The following CHTF8 variants were observed in gnomAD, a reference collection of about 807,000 sequenced individuals.
The protein encoded by CHTF8 is chromosome transmission fidelity protein 8 homolog.
A neutral mutation model predicts 11.0 loss-of-function variants in CHTF8; 6 were observed. That is an observed-to-expected ratio of 0.55 (90% CI 0.30 to 1.08). CHTF8 has a LOEUF of 1.08. Ranked by LOEUF, CHTF8 falls within the 50% of genes least tolerant of loss-of-function variation. The pLI, the probability that CHTF8 is intolerant of heterozygous loss-of-function variation, is 0.07. For synonymous variants in CHTF8, 53 were observed against 60.5 expected (o/e 0.88, Z 0.57); for missense variants, 140 against 153.1 (o/e 0.91, Z 0.45).
In CHTF8 at chr16:69,120,931, C is replaced by T. The variant is rs760363001; in HGVS notation, c.141+122G>A. ...TAGGGGGAGAACAAGCAGAGAGCAT[C>T]GCAGATTAGCTAGGCCTTGAATAAC... is the stretch of plus-strand genomic sequence containing the variant. On this transcript the variant is annotated intron_variant, in intron 3 of 3. Transcript: ENST00000448552. The surrounding 1 kb of genome is among the most constrained non-coding windows in gnomAD (Gnocchi z 4.0). The T allele has an allele frequency of 7.0e-6, 6 of 862,278 alleles. No individual in the cohort carries two copies. Among genetic ancestry groups the T allele is most frequent in the Non-Finnish European group, 1.0e-5 (5 of 494,566 alleles). The allele number at this position is 862,278 out of a possible 1,614,324, so 53.4% of individuals were successfully genotyped here.
At chr16:69,128,725 T>TAA (rs1962271287) in intron 1 of CHTF8, among the ~76,000 whole-genome samples, 1 of 152,156 alleles carries the variant, frequency 6.6e-6, no homozygotes, top group Non-Finnish European at 1.5e-5. Context: ...ATACCTTATT[T>TAA]AACCAGCATT....
chr16:69,127,525 AG>A (rs1962155716), intron 1 of CHTF8, among the ~76,000 whole-genome samples: 1 of 151,840 alleles, frequency 6.6e-6, no homozygotes, highest in East Asian at 1.9e-4. Context: ...GAGCATCTGA[AG>A]GCACGATTTG....
chr16:69,118,124 C>T lies in CHTF8; in HGVS notation c.*2301G>A. 7.5e-6 allele frequency: 3 copies of T among 401,440 alleles called. No individual in the cohort carries two copies. The highest frequency in any genetic ancestry group is 4.6e-5 in the South Asian group (1 of 21,642). 24.9% of individuals were successfully genotyped at this position (401,440 alleles called of 1,614,324 possible). On this transcript the variant is annotated 3_prime_UTR_variant, in exon 4 of 4. Coordinates refer to ENST00000448552, the MANE Select transcript of CHTF8 (RefSeq NM_001039690.5). Reference sequence around the variant, plus strand: ...GCACAGTGATTTCTTCCCTTCATCCCCCACCCCCACCCTAATTCCCATATT... The same window carrying T: ...GCACAGTGATTTCTTCCCTTCATCCTCCACCCCCACCCTAATTCCCATATT...
At chr16:69,128,023 T>A (rs774466206) in intron 1 of CHTF8, among the ~76,000 whole-genome samples, 4 of 152,132 alleles carry the variant, frequency 2.6e-5, no homozygotes, top group Non-Finnish European at 5.9e-5. Flanking sequence ...CAGGGGATTC[T>A]CCTGCCTCAG....
At position 69,119,536 on chromosome 16, in the gene CHTF8, T is replaced by G; in HGVS notation, c.*889A>C. 4 of 702,836 alleles carry G rather than the reference T, an allele frequency of 5.7e-6. No homozygotes were observed. The highest frequency in any genetic ancestry group is 1.0e-5 in the Non-Finnish European group (4 of 384,930). The allele number at this position is 702,836 out of a possible 1,614,324, so 43.5% of individuals were successfully genotyped here. ...CATGGAGGATGGGCTTGTGCCCATGTTTCCAGAAGCCTGTGAGAAAGAAGC... is the reference window on the plus strand; with the variant it reads ...CATGGAGGATGGGCTTGTGCCCATGGTTCCAGAAGCCTGTGAGAAAGAAGC... On this transcript the variant is annotated 3_prime_UTR_variant, in exon 4 of 4. Coordinates refer to ENST00000448552, the MANE Select transcript of CHTF8 (RefSeq NM_001039690.5).
At chr16:69,121,733 T>C (rs1961684967) in intron 1 of CHTF8, among the ~76,000 whole-genome samples, 1 of 150,480 alleles carries the variant, frequency 6.6e-6, no homozygotes, top group African/African-American at 2.5e-5. Flanking sequence ...AATGGCACGA[T>C]CTCAGCTCAC....
In CHTF8 at chr16:69,122,539, A is replaced by AT. The variant is rs764144816; in HGVS notation, c.-35-1047dup. ...AGGTGCATGTCACCATACCCAGCTA[A>AT]TTTTTTTTTTTTTTTTTTTGGGAGG... On this transcript the variant is annotated intron_variant, in intron 1 of 3. Transcript: ENST00000448552. 7.1e-3 allele frequency among the ~76,000 whole-genome samples: 927 copies of AT among 130,722 alleles called. 14 individuals are homozygous for AT. The highest frequency in any genetic ancestry group is 0.013 in the Middle Eastern group (3 of 236). 85.8% of individuals were successfully genotyped at this position (130,722 alleles called of 152,430 possible).
rs1255701141 is a variant in CHTF8 at position 69,118,957 on chromosome 16, G to A, written c.*1468C>T. ...AGGGAGGCTCCCCACTCTAGGAAAT[G>A]GGACGAAACTCTTGCCTGCAGGGCC... On this transcript the variant is annotated 3_prime_UTR_variant, in exon 4 of 4. Coordinates refer to ENST00000448552, the MANE Select transcript of CHTF8 (RefSeq NM_001039690.5). 1 of 702,924 alleles carries A rather than the reference G, an allele frequency of 1.4e-6. No individual in the cohort carries two copies. The highest frequency in any genetic ancestry group is 2.6e-6 in the Non-Finnish European group (1 of 385,040). 43.5% of individuals were successfully genotyped at this position (702,924 alleles called of 1,614,324 possible). A position where few individuals can be genotyped will look rare whatever the true frequency, so the allele number is the denominator to read the frequency against.
chr16:69,119,842 C>T lies in CHTF8; in HGVS notation c.*583G>A. On this transcript the variant is annotated 3_prime_UTR_variant, in exon 4 of 4. Transcript: ENST00000448552. ...GCCAACTGGCCTAGGATTGGGAGGA[C>T]CATTCCCAGAGGTTAACAGAACACC... The T allele has an allele frequency of 4.3e-6, 3 of 701,256 alleles. No homozygotes were observed. Among genetic ancestry groups the T allele is most frequent in the Non-Finnish European group, 7.8e-6 (3 of 384,968 alleles). 43.4% of individuals were successfully genotyped at this position (701,256 alleles called of 1,614,324 possible).
chr16:69,126,779 C>T (rs1962088972), intron 1 of CHTF8, among the ~76,000 whole-genome samples: 1 of 152,176 alleles, frequency 6.6e-6, no homozygotes, highest in Admixed American at 6.5e-5. Flanking sequence ...ACTTTAGCAC[C>T]TTAAAATATC....
chr16:69,119,818 C>T lies in CHTF8; in HGVS notation c.*607G>A. The T allele has an allele frequency of 1.4e-6, 1 of 701,162 alleles. No homozygotes were observed. The highest frequency in any genetic ancestry group is 2.0e-5 in the Admixed American group (1 of 50,016). 43.4% of individuals were successfully genotyped at this position (701,162 alleles called of 1,614,324 possible). The stretch of plus-strand genomic sequence containing the variant: ...ATTGGGGTTTGGTCCTGGGCCCAGG[C>T]CAACTGGCCTAGGATTGGGAGGACC... On this transcript the variant is annotated 3_prime_UTR_variant, in exon 4 of 4. Transcript: ENST00000448552.
rs1166880465 is a variant in CHTF8 at position 69,119,312 on chromosome 16, G to C, written c.*1113C>G. On this transcript the variant is annotated 3_prime_UTR_variant, in exon 4 of 4. Coordinates refer to ENST00000448552, the MANE Select transcript of CHTF8 (RefSeq NM_001039690.5). ...TTTGATGCCAATGTGCCAGAAGACT[G>C]AGAAAAGGCAGATGAACCTGCTCCC... is the stretch of plus-strand genomic sequence containing the variant. 2.8e-6 allele frequency: 2 copies of C among 702,960 alleles called. No homozygotes were observed. Among genetic ancestry groups the C allele is most frequent in the African/African-American group, 3.5e-5 (2 of 57,270 alleles). The allele number at this position is 702,960 out of a possible 1,614,324, so 43.5% of individuals were successfully genotyped here.
At chr16:69,122,253 A>C (rs1961727308) in intron 1 of CHTF8, among the ~76,000 whole-genome samples, 1 of 152,232 alleles carries the variant, frequency 6.6e-6, no homozygotes, top group Non-Finnish European at 1.5e-5. Flanking sequence ...TGTATGTGCA[A>C]AACTAATTAA....
chr16:69,124,492 C>A (rs191864385), intron 1 of CHTF8, among the ~76,000 whole-genome samples: 1 of 151,908 alleles, frequency 6.6e-6, no homozygotes, highest in Non-Finnish European at 1.5e-5. Context: ...GGCATGATCT[C>A]GGCTCACCAC....
Position 69,118,515 on chromosome 16 carries a change from C to A in CHTF8, c.*1910G>T. 1 of 1,015,318 alleles carries A rather than the reference C, an allele frequency of 9.8e-7. No individual in the cohort carries two copies. The highest frequency in any genetic ancestry group is 1.6e-6 in the Non-Finnish European group (1 of 633,774). The allele number at this position is 1,015,318 out of a possible 1,614,324, so 62.9% of individuals were successfully genotyped here. On this transcript the variant is annotated 3_prime_UTR_variant, in exon 4 of 4. Coordinates refer to ENST00000448552, the MANE Select transcript of CHTF8 (RefSeq NM_001039690.5). ...CTACATGTGAACTGGGACCTGCAGG[C>A]CAATGTATCCCTGAGGAAAAGTCCA...
chr16:69,122,931 A>C (rs1233985575), intron 1 of CHTF8, among the ~76,000 whole-genome samples: 1 of 151,686 alleles, frequency 6.6e-6, no homozygotes, highest in Non-Finnish European at 1.5e-5. Context: ...CACCCACCTC[A>C]GCCTCCCAAA....
chr16:69,126,270 T>C (rs538028999), intron 1 of CHTF8, among the ~76,000 whole-genome samples: 12 of 152,196 alleles, frequency 7.9e-5, no homozygotes, highest in Non-Finnish European at 1.2e-4. Flanking sequence ...ACTGTGACCA[T>C]GTGCTTGAGA....
intron 1 of CHTF8, among the ~76,000 whole-genome samples, chr16:69,124,529 T>C (rs1190980530): frequency 6.6e-6 from 1 of 151,878 alleles, no homozygotes; most frequent in East Asian, 1.9e-4. Context: ...CTTCAAGTGA[T>C]TCTCTTGCCT....
intron 1 of CHTF8, among the ~76,000 whole-genome samples, chr16:69,124,826 C>G (rs1961938558): frequency 6.6e-6 from 1 of 152,160 alleles, no homozygotes; most frequent in Non-Finnish European, 1.5e-5. Context: ...GTATGTTAAT[C>G]TTCCTTTTGG....
Sources: allele counts gnomAD v4.1 joint callset (sites outside exome capture counted in the v4.1 genomes callset), GRCh38; gene constraint gnomAD v4.1.1; non-coding constraint Gnocchi (gnomAD v3.1); transcripts MANE v1.5; gene names NCBI Gene and HGNC (gene_info 2026-07-23, HGNC 2026-07-21).